The following SLC4A4 variants were observed in gnomAD, a reference collection of about 807,000 sequenced individuals.
SLC4A4 encodes the protein solute carrier family 4 member 4, also known as electrogenic sodium bicarbonate cotransporter 1.
SLC4A4 carries 27 observed loss-of-function variants against 111.5 expected under a neutral mutation model. That is an observed-to-expected ratio of 0.24 (90% CI 0.18 to 0.33). The LOEUF (loss-of-function observed/expected upper bound fraction) is 0.33. SLC4A4 is among the 10% of genes least tolerant of loss of function. The pLI, the probability that SLC4A4 is intolerant of heterozygous loss-of-function variation, is 1.00. For synonymous variants in SLC4A4, 443 were observed against 463.4 expected, an observed-to-expected ratio of 0.96 and a Z score of 0.57; for missense variants, 909 against 1,315.5, an observed-to-expected ratio of 0.69 and a Z score of 4.78.
intron 16 of SLC4A4, among the ~76,000 whole-genome samples, chr4:71,520,819 T>C (rs1732861280): frequency 6.6e-6 from 1 of 152,022 alleles, no homozygotes; most frequent in Admixed American, 6.5e-5. Context: ...AAATTGAACT[T>C]ACTCATTTCT....
chr4:71,179,566 C>CAAAG (rs990920983), intron 2 of SLC4A4, among the ~76,000 whole-genome samples: 1 of 151,728 alleles, frequency 6.6e-6, no homozygotes, highest in African/African-American at 2.4e-5. Context: ...CAATAACAGA[C>CAAAG]AGAGAGCCAA....
At position 71,107,046 on chromosome 4, in the gene SLC4A4, G is replaced by A. The variant is rs1742949929; in HGVS notation, c.-2+14254G>A. Among the ~76,000 whole-genome samples the A allele has an allele frequency of 3.3e-5, 5 of 151,092 alleles. No homozygotes were observed. In the South Asian group the frequency reaches 1.0e-3, roughly 32 times the overall value. ...TTATTATTGCCACCATGCCCTATTG[G>A]TTATTGCTTGCATGGAATATTTTTT... On this transcript the variant is annotated intron_variant, in intron 2 of 26. Coordinates refer to the SLC4A4 transcript ENST00000649996.
In SLC4A4 at chr4:71,560,106, T is replaced by C. The variant is rs1191238009; in HGVS notation, c.2951T>C (p.Val984Ala). 1.2e-6 allele frequency: 2 copies of C among 1,610,342 alleles called. No homozygotes were observed. Among genetic ancestry groups the C allele is most frequent in the African/African-American group, 1.3e-5 (1 of 74,858 alleles). The change falls in exon 23 of 26, where the codon GTA becomes GCA. Residue 984 changes from valine to alanine, a missense_variant. Coordinates refer to ENST00000264485, the MANE Select transcript of SLC4A4 (RefSeq NM_001098484.3). ...TTGCTCTTTCAGATCTTGGCACTTG[T>C]AGCTGTCAGAAAAGGCATGGACTAC... ...IIFPVMILAL[V>A]AVRKGMDYLF... is the part of the protein sequence containing the mutation.
At chr4:71,335,793 C>T (rs1728390167) in intron 3 of SLC4A4, among the ~76,000 whole-genome samples, 1 of 151,826 alleles carries the variant, frequency 6.6e-6, no homozygotes, top group Non-Finnish European at 1.5e-5. Context: ...CCACTGCACT[C>T]CAGCCTGGGC....
intron 3 of SLC4A4, among the ~76,000 whole-genome samples, chr4:71,328,218 A>G (rs1727658453): frequency 6.6e-6 from 1 of 152,132 alleles, no homozygotes; most frequent in East Asian, 1.9e-4. Flanking sequence ...TCAAAAATCC[A>G]TTCATCTGTT....
At chr4:71,146,862 T>G (rs1421566603) in intron 2 of SLC4A4, among the ~76,000 whole-genome samples, 1 of 152,150 alleles carries the variant, frequency 6.6e-6, no homozygotes, top group African/African-American at 2.4e-5. Flanking sequence ...AACATCATAA[T>G]GACAGGATCA....
intron 2 of SLC4A4, among the ~76,000 whole-genome samples, chr4:71,169,175 A>ATT (rs113560452): frequency 1.5e-5 from 2 of 135,828 alleles, no homozygotes; most frequent in Non-Finnish European, 3.2e-5. Flanking sequence ...ATACCTGGCT[A>ATT]TTTTTTTTTT....
At chr4:71,321,435 G>A (rs911734386) in intron 3 of SLC4A4, among the ~76,000 whole-genome samples, 3 of 151,972 alleles carry the variant, frequency 2.0e-5, no homozygotes, top group African/African-American at 7.2e-5. Flanking sequence ...GTTTCTACAA[G>A]TGGTCTTTCA....
Position 71,510,984 on chromosome 4 carries a change from C to T in SLC4A4, c.2166+13292C>T, listed in dbSNP as rs533217491. 5.8e-4 allele frequency among the ~76,000 whole-genome samples: 88 copies of T among 152,180 alleles called. 1 individual carries two copies. The highest frequency in any genetic ancestry group is 2.1e-3 in the African/African-American group (86 of 41,556). ...ACAACTTACCTTTCATTGCATAAAA[C>T]AATTTTGTACTTTTACTTTATATCT... is the stretch of plus-strand genomic sequence containing the variant. On this transcript the variant is annotated intron_variant, in intron 16 of 25. Transcript: ENST00000264485.
rs957762768 is a variant in SLC4A4 at position 71,144,490 on chromosome 4, A to T, written c.-2+51698A>T. 3.3e-5 allele frequency among the ~76,000 whole-genome samples: 5 copies of T among 152,142 alleles called. No individual in the cohort carries two copies. The East Asian group carries it at 9.6e-4, about 29-fold the overall frequency. On this transcript the variant is annotated intron_variant, in intron 2 of 26. Transcript: ENST00000649996. Reference sequence around the variant, plus strand: ...TTTTTCCAATTCTGTGAAGAAAGTCATTGGTAGCTTGATGGGGATGGCATT... The same window carrying T: ...TTTTTCCAATTCTGTGAAGAAAGTCTTTGGTAGCTTGATGGGGATGGCATT...
At chr4:71,468,504 A>G (rs1727583126) in intron 13 of SLC4A4, among the ~76,000 whole-genome samples, 1 of 151,960 alleles carries the variant, frequency 6.6e-6, no homozygotes, top group Non-Finnish European at 1.5e-5. Context: ...CATAGTTCCA[A>G]GTGATTTATT....
intron 3 of SLC4A4, among the ~76,000 whole-genome samples, chr4:71,293,534 G>A (rs993526488): frequency 6.7e-6 from 1 of 150,348 alleles, no homozygotes; most frequent in South Asian, 2.1e-4. Context: ...CTGCACTCCA[G>A]CCTGGGCGAC....
At chr4:71,171,510 G>A (rs575378074) in intron 2 of SLC4A4, among the ~76,000 whole-genome samples, 1 of 152,288 alleles carries the variant, frequency 6.6e-6, no homozygotes, top group East Asian at 1.9e-4. Flanking sequence ...TTATCCTGTT[G>A]TCTAGTTTCC....
intron 7 of SLC4A4, among the ~76,000 whole-genome samples, chr4:71,420,413 C>A (rs2149019027): frequency 6.6e-6 from 1 of 152,270 alleles, no homozygotes; most frequent in East Asian, 1.9e-4. Flanking sequence ...AAACACTCTG[C>A]AGGATATTAT....
At chr4:71,440,988 C>T (rs1464513772) in intron 8 of SLC4A4, among the ~76,000 whole-genome samples, 1 of 152,084 alleles carries the variant, frequency 6.6e-6, no homozygotes, top group Non-Finnish European at 1.5e-5. Flanking sequence ...GGGCAGTGTA[C>T]TAGGTTCTTC....
At chr4:71,270,980 T>G (rs1722666264) in intron 3 of SLC4A4, among the ~76,000 whole-genome samples, 1 of 152,232 alleles carries the variant, frequency 6.6e-6, no homozygotes, top group Admixed American at 6.5e-5. Context: ...CTGCCTCTTC[T>G]CTTCCAGGGA....
chr4:71,152,505 C>T (rs545341318), intron 2 of SLC4A4, among the ~76,000 whole-genome samples: 3 of 152,146 alleles, frequency 2.0e-5, no homozygotes, highest in Admixed American at 6.5e-5. Flanking sequence ...TGTAGCTCAT[C>T]GTTTTCATAT....
chr4:71,528,416 T>C (rs753311347), intron 16 of SLC4A4, among the ~76,000 whole-genome samples: 1 of 152,136 alleles, frequency 6.6e-6, no homozygotes, highest in Non-Finnish European at 1.5e-5. Flanking sequence ...TATATTCTTT[T>C]GAATATCCTC....
At chr4:71,065,254 G>A (rs1392607191) in intron 1 of SLC4A4, among the ~76,000 whole-genome samples, 1 of 152,072 alleles carries the variant, frequency 6.6e-6, no homozygotes, top group Non-Finnish European at 1.5e-5. Flanking sequence ...ACCGTATGGT[G>A]TTTTACATCA....
Sources: allele counts gnomAD v4.1 joint callset (sites outside exome capture counted in the v4.1 genomes callset), GRCh38; gene constraint gnomAD v4.1.1; transcripts MANE v1.5; gene names NCBI Gene and HGNC (gene_info 2026-07-23, HGNC 2026-07-21).